The following LCP1 variants were observed in gnomAD, a reference collection of about 807,000 sequenced individuals.
LCP1 encodes plastin-2.
Under a neutral mutation model 72.0 loss-of-function variants are expected in LCP1, and 23 were observed. The ratio of observed to expected loss-of-function variants is 0.32; its 90% confidence interval spans 0.23 to 0.45. The LOEUF (loss-of-function observed/expected upper bound fraction) is 0.45. LCP1 is among the 20% of genes least tolerant of loss of function. The pLI, the probability that LCP1 is intolerant of heterozygous loss-of-function variation, is 1.00. For synonymous variants in LCP1, 245 were observed against 275.4 expected (o/e 0.89, Z 1.09); for missense variants, 571 against 748.3 (o/e 0.76, Z 2.76).
chr13:46,177,841 A>C (rs1375125946), intron 1 of LCP1, among the ~76,000 whole-genome samples: 2 of 152,054 alleles, frequency 1.3e-5, no homozygotes, highest in African/African-American at 4.8e-5. Context: ...GGGGCTGACT[A>C]CTGATGCTGT....
intron 11 of LCP1, 102 bp from the exon 12 acceptor site, chr13:46,143,506 C>T: frequency 1.4e-6 from 1 of 735,708 alleles, no homozygotes; most frequent in Non-Finnish European, 2.4e-6. Context: ...AGAATATTCA[C>T]AACAACCCTG....
At chr13:46,154,773 T>A in intron 6 of LCP1, 32 bp downstream of exon 6, 1 of 1,566,306 alleles carries the variant, frequency 6.4e-7, no homozygotes, top group Non-Finnish European at 8.8e-7. Flanking sequence ...GCCAAACAAA[T>A]CCTGTATTAT....
chr13:46,167,871 C>A (rs1659874945), intron 1 of LCP1, among the ~76,000 whole-genome samples: 1 of 152,130 alleles, frequency 6.6e-6, no homozygotes, highest in Non-Finnish European at 1.5e-5. Context: ...ACATGGATTA[C>A]AGCTAATTTA....
Position 46,142,441 on chromosome 13 carries a change from G to A in LCP1, c.1369-16C>T. On this transcript the variant is annotated splice_polypyrimidine_tract_variant and intron_variant, in intron 12 of 15. Transcript: ENST00000323076. Reference sequence around the variant, plus strand: ...AATTCTCAAGCTGAATGAGCAGAAAGGAAAACGATTTAACGTCATCATCTT... The same window carrying A: ...AATTCTCAAGCTGAATGAGCAGAAAAGAAAACGATTTAACGTCATCATCTT... The A allele has an allele frequency of 1.2e-6, 2 of 1,611,086 alleles. No homozygotes were observed. The highest frequency in any genetic ancestry group is 1.7e-6 in the Non-Finnish European group (2 of 1,177,888).
rs573976052 is a variant in LCP1 at position 46,128,137 on chromosome 13, C to G, written c.1752-414G>C. Among the ~76,000 whole-genome samples the G allele has an allele frequency of 2.0e-3, 300 of 151,820 alleles. 1 individual carries two copies. Among genetic ancestry groups the G allele is most frequent in the Non-Finnish European group, 3.6e-3 (248 of 67,948 alleles). On this transcript the variant is annotated intron_variant, in intron 15 of 15. Coordinates refer to ENST00000323076, the MANE Select transcript of LCP1 (RefSeq NM_002298.5). Reference sequence around the variant, plus strand: ...ATTACAGGTGTGAGCCACTACAGCACGTGCTGCCACTTTTGATACTCACAC... The same window carrying G: ...ATTACAGGTGTGAGCCACTACAGCAGGTGCTGCCACTTTTGATACTCACAC...
chr13:46,175,122 A>G (rs1393828946), intron 1 of LCP1, among the ~76,000 whole-genome samples: 2 of 152,214 alleles, frequency 1.3e-5, no homozygotes, highest in Non-Finnish European at 2.9e-5. Flanking sequence ...CATCTGGAAT[A>G]AGGATATAAT....
intron 12 of LCP1, among the ~76,000 whole-genome samples, 176 bp downstream of exon 12, chr13:46,143,114 C>T (rs1194629552): frequency 6.6e-6 from 1 of 152,178 alleles, no homozygotes; most frequent in African/African-American, 2.4e-5. Context: ...AAGCAATTGA[C>T]TGAAATAATG....
At position 46,145,638 on chromosome 13, in the gene LCP1, G is replaced by T. The variant is rs1160509378; in HGVS notation, c.1175-1118C>A. The stretch of plus-strand genomic sequence containing the variant: ...TTCTAAAAGAGGGCAGGCCGGGCGC[G>T]GTGGCTCACGCCTGTAATCCCAGCA... On this transcript the variant is annotated intron_variant, in intron 10 of 15. Coordinates refer to ENST00000323076, the MANE Select transcript of LCP1 (RefSeq NM_002298.5). Among the ~76,000 whole-genome samples, 2 of 134,696 alleles carry T rather than the reference G, an allele frequency of 1.5e-5. 1 individual carries two copies. Among genetic ancestry groups the T allele is most frequent in the Non-Finnish European group, 3.2e-5 (2 of 63,226 alleles). The allele number at this position is 134,696 out of a possible 152,430, so 88.4% of individuals were successfully genotyped here.
intron 7 of LCP1, 136 bp downstream of exon 7, chr13:46,152,644 G>T (rs2138250791): frequency 2.4e-6 from 2 of 844,096 alleles, no homozygotes; most frequent in Non-Finnish European, 3.6e-6. Flanking sequence ...TAGAATCTGT[G>T]ACATGAATAC....
At chr13:46,153,086 A>G (rs374932300) in intron 6 of LCP1, 141 bp from the exon 7 acceptor site, 2 of 798,742 alleles carry the variant, frequency 2.5e-6, no homozygotes, top group South Asian at 3.8e-5. Context: ...AACATTGAGA[A>G]AAAAACAGTG....
intron 4 of LCP1, 100 bp downstream of exon 4, chr13:46,158,422 C>T (rs2045816750): frequency 3.7e-6 from 5 of 1,358,770 alleles, no homozygotes; most frequent in East Asian, 2.3e-5. Context: ...ATCCATAAAG[C>T]TGTGTTTGCT....
rs199684772 is a variant in LCP1, at chr13:46,144,503, G to A, written c.1192C>T (p.Arg398Trp). The A allele has an allele frequency of 1.7e-5, 27 of 1,613,286 alleles. No homozygotes were observed. Among genetic ancestry groups the A allele is most frequent in the Non-Finnish European group, 2.1e-5 (25 of 1,179,320 alleles). The change falls in exon 11 of 16, where the codon CGG becomes TGG. Residue 398 changes from arginine to tryptophan, a missense_variant. Transcript: ENST00000323076. Reference protein sequence around the residue: ...GALEGETREERTFRNWMNSLG... With the variant: ...GALEGETREEWTFRNWMNSLG... ...GAGTTCATCCAGTTCCTAAATGTCC[G>A]CTCTTCTCTCGTCTCACCTAGATGA...
At chr13:46,139,150 A>G (rs1328855738) in intron 13 of LCP1, among the ~76,000 whole-genome samples, 1 of 152,218 alleles carries the variant, frequency 6.6e-6, no homozygotes, top group African/African-American at 2.4e-5. Flanking sequence ...TACACTGGTG[A>G]GAACAGCCCT....
chr13:46,172,445 T>C (rs1402632100), intron 1 of LCP1, among the ~76,000 whole-genome samples: 1 of 151,744 alleles, frequency 6.6e-6, no homozygotes, highest in East Asian at 1.9e-4. Flanking sequence ...GATCACGCCA[T>C]TGCACTCCAG....
intron 1 of LCP1, among the ~76,000 whole-genome samples, chr13:46,165,345 A>G (rs1312251422): frequency 3.3e-5 from 5 of 152,030 alleles, no homozygotes; most frequent in African/African-American, 1.2e-4. Context: ...CTGCACTCCA[A>G]CCTGGGTGAC....
At chr13:46,156,028 C>T (rs372651120) in intron 5 of LCP1, among the ~76,000 whole-genome samples, 11 of 152,140 alleles carry the variant, frequency 7.2e-5, no homozygotes, top group Admixed American at 1.3e-4. Context: ...TCTACATTTC[C>T]GCTTGATGCC....
At chr13:46,150,877 A>T in intron 8 of LCP1, 59 bp downstream of exon 8, 1 of 1,547,600 alleles carries the variant, frequency 6.5e-7, no homozygotes, top group Non-Finnish European at 8.8e-7. Context: ...TTTCTTTATT[A>T]TTGCCCAAAT....
At chr13:46,154,780 T>G in intron 6 of LCP1, 25 bp downstream of exon 6, 1 of 1,584,736 alleles carries the variant, frequency 6.3e-7, no homozygotes, top group Non-Finnish European at 8.7e-7. Flanking sequence ...AAATCCTGTA[T>G]TATGGTAACG....
chr13:46,163,652 A>C (rs11620302), intron 1 of LCP1, among the ~76,000 whole-genome samples: 1 of 149,898 alleles, frequency 6.7e-6, no homozygotes, highest in Non-Finnish European at 1.5e-5. Context: ...AAAAAAAAAA[A>C]CAATGAGTTA....
Sources: allele counts gnomAD v4.1 joint callset (sites outside exome capture counted in the v4.1 genomes callset), GRCh38; gene constraint gnomAD v4.1.1; transcripts MANE v1.5; gene names NCBI Gene and HGNC (gene_info 2026-07-23, HGNC 2026-07-21).